MAPRE2: variants seen among roughly 807,000 people sequenced by gnomAD.
The protein encoded by MAPRE2 is microtubule-associated protein RP/EB family member 2.
MAPRE2 carries 13 observed loss-of-function variants against 43.2 expected under a neutral mutation model. The ratio of observed to expected loss-of-function variants is 0.30; its 90% CI spans 0.20 to 0.48. The LOEUF is 0.48. Ranked by LOEUF, MAPRE2 falls within the 20% of genes least tolerant of loss-of-function variation. The pLI is 0.99. For missense variants in MAPRE2, 161 were observed against 400.2 expected (o/e 0.40, Z 5.10); for synonymous variants, 135 against 148.8 (o/e 0.91, Z 0.68).
intron 5 of MAPRE2, among the ~76,000 whole-genome samples, chr18:35,130,667 G>A: frequency 6.6e-6 from 1 of 152,140 alleles, no homozygotes; most frequent in East Asian, 1.9e-4. Flanking sequence ...CCTAAGGAGG[G>A]CCATGAAAGA....
intron 1 of MAPRE2, among the ~76,000 whole-genome samples, chr18:34,998,772 ATTTTTTTTT>A (rs67933808): frequency 9.6e-5 from 9 of 93,726 alleles, no homozygotes; most frequent in African/African-American, 2.0e-4. Flanking sequence ...CGAAGTTGCA[ATTTTTTTTT>A]TTTTTTTTTT....
At chr18:34,985,534 T>TATA (rs2097020134) in intron 1 of MAPRE2, among the ~76,000 whole-genome samples, 1 of 44,352 alleles carries the variant, frequency 2.3e-5, no homozygotes, top group African/African-American at 9.4e-5. Context: ...ATTATAAATA[T>TATA]AATATATAAT....
At chr18:35,119,807 A>G (rs1569011172) in intron 4 of MAPRE2, among the ~76,000 whole-genome samples, 1 of 152,244 alleles carries the variant, frequency 6.6e-6, no homozygotes, top group Non-Finnish European at 1.5e-5. Context: ...TTTTATAAAA[A>G]TGTTCTTTAA....
chr18:35,114,589 G>C lies in MAPRE2; in HGVS notation c.611-12359G>C, dbSNP rs548727868. Among the ~76,000 whole-genome samples the C allele has an allele frequency of 2.0e-5, 3 of 152,216 alleles. No homozygotes were observed. The South Asian group carries it at 6.2e-4, about 32-fold the overall frequency. ...AATCTCTGATTTCTTAATCCTTCAA[G>C]TCAATTAGCTCTCCGTGTGAATGGT... On this transcript the variant is annotated intron_variant, in intron 4 of 6. Coordinates refer to ENST00000300249, the MANE Select transcript of MAPRE2 (RefSeq NM_014268.4).
intron 2 of MAPRE2, among the ~76,000 whole-genome samples, chr18:35,011,089 C>A (rs774162048): frequency 2.7e-4 from 41 of 152,170 alleles, no homozygotes; most frequent in Non-Finnish European, 4.6e-4. Context: ...GGTTCTCAGC[C>A]CTGATGGAGA....
At chr18:35,060,825 T>C (rs1158131596) in intron 1 of MAPRE2, among the ~76,000 whole-genome samples, 1 of 152,174 alleles carries the variant, frequency 6.6e-6, no homozygotes, top group African/African-American at 2.4e-5. Context: ...TAAATAACAA[T>C]GAGGCTGTTA....
rs147937678 is a variant in MAPRE2 at position 35,089,382 on chromosome 18, G to T, written c.251-8064G>T. On this transcript the variant is annotated intron_variant, in intron 2 of 6. Coordinates refer to ENST00000300249, the MANE Select transcript of MAPRE2 (RefSeq NM_014268.4). The stretch of plus-strand genomic sequence containing the variant: ...AAAGTGAAAAAACAGTCCACAGAAT[G>T]GGAGAAAATATTTACAAATCATATA... Among the ~76,000 whole-genome samples the T allele has an allele frequency of 6.4e-4, 98 of 152,190 alleles. 1 individual carries two copies. Among genetic ancestry groups the T allele is most frequent in the Non-Finnish European group, 1.3e-3 (86 of 68,008 alleles).
intron 2 of MAPRE2, among the ~76,000 whole-genome samples, chr18:35,094,983 A>G (rs890717339): frequency 6.6e-6 from 1 of 152,160 alleles, no homozygotes; most frequent in African/African-American, 2.4e-5. Flanking sequence ...GGTGGGAGGC[A>G]GGGCACTATA....
chr18:35,035,479 T>A (rs1056303708), intron 2 of MAPRE2, among the ~76,000 whole-genome samples: 8 of 152,088 alleles, frequency 5.3e-5, no homozygotes, highest in Middle Eastern at 3.4e-3. Flanking sequence ...AACCTGCACA[T>A]TGTGCACATG....
At chr18:35,056,310 A>G (rs555049266) in intron 1 of MAPRE2, among the ~76,000 whole-genome samples, 3 of 152,298 alleles carry the variant, frequency 2.0e-5, no homozygotes, top group East Asian at 3.9e-4. Context: ...AATGTTTATT[A>G]TGCTTATTAT....
upstream of MAPRE2, chr18:35,041,287 A>T (rs1273347689): frequency 2.9e-6 from 4 of 1,380,528 alleles, no homozygotes; most frequent in South Asian, 1.5e-5. Context: ...AATTGAGGCG[A>T]GGTGATGAGT....
At chr18:34,980,455 G>A (rs751886064) in intron 1 of MAPRE2, among the ~76,000 whole-genome samples, 1 of 152,046 alleles carries the variant, frequency 6.6e-6, no homozygotes, top group Non-Finnish European at 1.5e-5. Flanking sequence ...TTTCTCATAG[G>A]GGCCTCAGTG....
At chr18:35,051,117 G>A (rs1244271065) in intron 1 of MAPRE2, among the ~76,000 whole-genome samples, 1 of 152,104 alleles carries the variant, frequency 6.6e-6, no homozygotes, top group African/African-American at 2.4e-5. Flanking sequence ...AGGGTTTCTT[G>A]GGGTGAACAT....
At chr18:35,095,457 G>A (rs575947490) in intron 2 of MAPRE2, among the ~76,000 whole-genome samples, 44 of 150,094 alleles carry the variant, frequency 2.9e-4, no homozygotes, top group African/African-American at 1.0e-3. Context: ...AGAATATTTC[G>A]AGTGGTTCTC....
Position 35,022,718 on chromosome 18 carries a change from T to C in MAPRE2, c.-8+17165T>C, listed in dbSNP as rs1210576482. Reference sequence around the variant, plus strand: ...GCAATCTGTGTCAAAACAGGGAAGATAACCATAGTCACAGAACATAATGTA... The same window carrying C: ...GCAATCTGTGTCAAAACAGGGAAGACAACCATAGTCACAGAACATAATGTA... On this transcript the variant is annotated intron_variant, in intron 2 of 7. Transcript: ENST00000413393. Among the ~76,000 whole-genome samples the C allele has an allele frequency of 2.0e-5, 3 of 152,134 alleles. No homozygotes were observed. In the East Asian group the frequency reaches 5.8e-4, roughly 29 times the overall value.
chr18:35,108,042 G>T (rs935474209), intron 4 of MAPRE2, among the ~76,000 whole-genome samples: 1 of 151,436 alleles, frequency 6.6e-6, no homozygotes, highest in African/African-American at 2.4e-5. Flanking sequence ...TGTGCAGAAC[G>T]TACAGGTTTG....
chr18:35,120,830 C>G (rs1909634385), intron 4 of MAPRE2, among the ~76,000 whole-genome samples: 1 of 152,084 alleles, frequency 6.6e-6, no homozygotes, highest in Admixed American at 6.5e-5. Flanking sequence ...TGAATCAATA[C>G]AGATGCAGTG....
intron 1 of MAPRE2, among the ~76,000 whole-genome samples, chr18:35,003,739 G>A (rs77120935): frequency 6.6e-6 from 1 of 152,156 alleles, no homozygotes; most frequent in Non-Finnish European, 1.5e-5. Context: ...GTAGATAAAT[G>A]AAAATTTCAT....
At chr18:34,979,149 G>A (rs993414370) in intron 1 of MAPRE2, among the ~76,000 whole-genome samples, 9 of 152,152 alleles carry the variant, frequency 5.9e-5, no homozygotes, top group Non-Finnish European at 5.9e-5. Context: ...AGCCTAGCTG[G>A]TGGTGACACC....
Sources: gnomAD v4.1 joint callset for allele counts (sites outside exome capture counted in the v4.1 genomes callset) on GRCh38, gnomAD v4.1.1 for gene constraint, MANE v1.5 for transcripts, NCBI Gene and HGNC (gene_info 2026-07-23, HGNC 2026-07-21) for gene names.